STYK1: variants seen among roughly 807,000 people sequenced by gnomAD.
The protein encoded by STYK1 is tyrosine-protein kinase STYK1.
STYK1 carries 46 observed loss-of-function variants against 48.1 expected under a neutral mutation model. The observed-to-expected ratio is 0.96, with a 90% CI of 0.75 to 1.22. The LOEUF (loss-of-function observed/expected upper bound fraction) is 1.22. Among genes scored for constraint, STYK1 ranks in the 50% most tolerant of loss-of-function variants. The pLI is 0.00. For missense variants in STYK1, 527 were observed against 521.1 expected (o/e 1.01, Z -0.11); for synonymous variants, 188 against 189.0 (o/e 0.99, Z 0.04).
Position 10,620,103 on chromosome 12 carries a change from G to C in STYK1, c.*41C>G, listed in dbSNP as rs766335274. 1 of 1,606,370 alleles carries C rather than the reference G, an allele frequency of 6.2e-7. No homozygotes were observed. The highest frequency in any genetic ancestry group is 1.1e-5 in the South Asian group (1 of 90,914). On this transcript the variant is annotated 3_prime_UTR_variant, in exon 11 of 11. Transcript: ENST00000075503. ...CTGTTCTTAGAGGAATTGATTCCAA[G>C]AACATATACTCATGCATGAATGTTT...
chr12:10,669,963 G>A (rs1289205527), intron 1 of STYK1, among the ~76,000 whole-genome samples: 3 of 152,084 alleles, frequency 2.0e-5, no homozygotes, highest in South Asian at 2.1e-4. Context: ...AGCTATTATC[G>A]AAAAGATGAA....
chr12:10,641,781 C>T (rs932212136), intron 1 of STYK1, among the ~76,000 whole-genome samples: 24 of 152,206 alleles, frequency 1.6e-4, no homozygotes, highest in Non-Finnish European at 2.2e-4. Flanking sequence ...GAACACATAA[C>T]CTCCTGCCTC....
intron 1 of STYK1, among the ~76,000 whole-genome samples, chr12:10,657,073 G>A (rs113109228): frequency 7.2e-5 from 11 of 152,196 alleles, no homozygotes; most frequent in African/African-American, 2.6e-4. Context: ...GATACTGGAA[G>A]TGTCCCCATT....
chr12:10,639,823 T>C (rs1947524688), intron 1 of STYK1, among the ~76,000 whole-genome samples: 1 of 152,226 alleles, frequency 6.6e-6, no homozygotes. Flanking sequence ...TATACTTGTC[T>C]TTCAAATGAG....
chr12:10,629,802 T>G, intron 5 of STYK1, 128 bp from the exon 6 acceptor site: 1 of 920,556 alleles, frequency 1.1e-6, no homozygotes. Context: ...AAGGCAAAAA[T>G]AAACACAAAG....
At chr12:10,667,951 A>G (rs918331734) in intron 1 of STYK1, among the ~76,000 whole-genome samples, 3 of 152,170 alleles carry the variant, frequency 2.0e-5, no homozygotes, top group Non-Finnish European at 4.4e-5. Flanking sequence ...GGAGGTGAGA[A>G]CAACTGCAGG....
At chr12:10,655,793 T>A (rs1947711494) in intron 1 of STYK1, among the ~76,000 whole-genome samples, 1 of 152,236 alleles carries the variant, frequency 6.6e-6, no homozygotes, top group African/African-American at 2.4e-5. Flanking sequence ...TTGTGTGGCC[T>A]GGCTGAAGTC....
At chr12:10,624,366 G>A (rs1043049850) in intron 8 of STYK1, among the ~76,000 whole-genome samples, 4 of 152,060 alleles carry the variant, frequency 2.6e-5, no homozygotes, top group South Asian at 2.1e-4. Context: ...GGAGGCTGCA[G>A]TGAGCTGTGA....
Position 10,631,124 on chromosome 12 carries a change from G to T in STYK1, c.372C>A (p.Ser124Arg), listed in dbSNP as rs1947422970. The T allele has an allele frequency of 6.2e-7, 1 of 1,614,066 alleles. No individual in the cohort carries two copies. Among genetic ancestry groups the T allele is most frequent in the African/African-American group, 1.3e-5 (1 of 74,922 alleles). ...SEVLEQICSGSCGPIFRANMN... is the reference protein window; with the variant it reads ...SEVLEQICSGRCGPIFRANMN... ...TATTGGCTCGAAAGATGGGCCCACA[G>T]CTACCACTGCAAATCTGCTCCAGAA... The change falls in exon 5 of 11, where the codon AGC (serine) becomes AGA (arginine). Residue 124 changes from serine to arginine, a missense_variant. Physicochemically the swap from Ser to Arg is moderately radical, Grantham distance 110. Coordinates refer to ENST00000075503, the MANE Select transcript of STYK1 (RefSeq NM_018423.3).
At chr12:10,668,184 T>C (rs751537071) in intron 1 of STYK1, among the ~76,000 whole-genome samples, 4 of 152,078 alleles carry the variant, frequency 2.6e-5, no homozygotes, top group Non-Finnish European at 4.4e-5. Context: ...CCTCCATTTT[T>C]CAAAAGGAAT....
intron 1 of STYK1, among the ~76,000 whole-genome samples, chr12:10,655,886 G>A (rs12321785): frequency 0.041 from 6,190 of 152,232 alleles, 419 homozygotes; most frequent in African/African-American, 0.14. Context: ...TGAGCTATAC[G>A]TATATTTAAA....
intron 1 of STYK1, among the ~76,000 whole-genome samples, chr12:10,650,875 C>T (rs1947655749): frequency 6.6e-6 from 1 of 151,984 alleles, no homozygotes; most frequent in African/African-American, 2.4e-5. Context: ...CGTGGTGGCA[C>T]ACACCTGTAG....
intron 1 of STYK1, among the ~76,000 whole-genome samples, chr12:10,655,946 GT>G (rs1266768133): frequency 6.6e-6 from 1 of 152,164 alleles, no homozygotes; most frequent in Non-Finnish European, 1.5e-5. Context: ...TGAGGAAAAA[GT>G]TTTTTTCTTC....
At chr12:10,670,042 T>C (rs1010273109) in intron 1 of STYK1, among the ~76,000 whole-genome samples, 1 of 152,206 alleles carries the variant, frequency 6.6e-6, no homozygotes, top group Non-Finnish European at 1.5e-5. Flanking sequence ...TGTAAATTAG[T>C]ACAACCGTTA....
chr12:10,625,513 G>A (rs1484863309), intron 7 of STYK1, among the ~76,000 whole-genome samples: 3 of 152,094 alleles, frequency 2.0e-5, no homozygotes, highest in Non-Finnish European at 4.4e-5. Context: ...CACTGCACCC[G>A]GCCTGATTCC....
At chr12:10,635,760 T>G (rs942439390) in intron 2 of STYK1, among the ~76,000 whole-genome samples, 4 of 152,222 alleles carry the variant, frequency 2.6e-5, no homozygotes, top group African/African-American at 9.6e-5. Flanking sequence ...TGTATCACTG[T>G]TAAGTCTATA....
chr12:10,657,493 A>C (rs995779499), intron 1 of STYK1, among the ~76,000 whole-genome samples: 1 of 152,270 alleles, frequency 6.6e-6, no homozygotes, highest in Non-Finnish European at 1.5e-5. Context: ...GCTTTGGGAA[A>C]TAAAGACAGT....
intron 1 of STYK1, among the ~76,000 whole-genome samples, chr12:10,654,423 C>T (rs1263979724): frequency 2.6e-5 from 4 of 152,200 alleles, no homozygotes; most frequent in Non-Finnish European, 5.9e-5. Context: ...CAAGAACCCT[C>T]TCTTGGGGTC....
At chr12:10,633,715 A>G (rs769852063) in intron 4 of STYK1, among the ~76,000 whole-genome samples, 11 of 152,174 alleles carry the variant, frequency 7.2e-5, no homozygotes, top group Non-Finnish European at 1.3e-4. Flanking sequence ...GCACTCATAT[A>G]GTCAAAGTTT....
Sources: allele counts gnomAD v4.1 joint callset (sites outside exome capture counted in the v4.1 genomes callset), GRCh38; gene constraint gnomAD v4.1.1; transcripts MANE v1.5; gene names NCBI Gene and HGNC (gene_info 2026-07-23, HGNC 2026-07-21).